The following LCLAT1 variants were observed in gnomAD, a reference collection of about 807,000 sequenced individuals.
LCLAT1 encodes the protein lysocardiolipin acyltransferase 1, also known as 1-AGP acyltransferase 8.
Under a neutral mutation model 30.7 loss-of-function variants are expected in LCLAT1, and 11 were observed. That is an observed-to-expected ratio of 0.36 (90% confidence interval 0.23 to 0.59). The LOEUF (loss-of-function observed/expected upper bound fraction) is 0.59. Ranked by LOEUF, LCLAT1 falls within the 20% of genes least tolerant of loss-of-function variation. LCLAT1 has a pLI of 0.77. For synonymous variants in LCLAT1, 155 were observed against 151.3 expected, an observed-to-expected ratio of 1.02 and a Z score of -0.18; for missense variants, 402 against 458.6, an observed-to-expected ratio of 0.88 and a Z score of 1.13.
Position 30,640,234 on chromosome 2 carries a change from G to A in LCLAT1, c.746G>A (p.Arg249Gln), listed in dbSNP as rs1308573088. ...FPREIHFHVH[R>Q]YPIDTLPTSK... is the part of the protein sequence containing the mutation. ...AGGGAAATCCACTTTCACGTCCACC[G>A]GTATCCAATAGACACCCTCCCCACA... is the stretch of plus-strand genomic sequence containing the variant. The change falls in exon 6 of 6, where the codon CGG becomes CAG. Residue 249 changes from arginine to glutamine, a missense_variant. Transcript: ENST00000379509. The A allele has an allele frequency of 3.1e-6, 5 of 1,614,048 alleles. No homozygotes were observed. Among genetic ancestry groups the A allele is most frequent in the African/African-American group, 1.3e-5 (1 of 75,020 alleles).
intron 1 of LCLAT1, among the ~76,000 whole-genome samples, chr2:30,485,624 AATG>A (rs1558468755): frequency 1.3e-5 from 2 of 152,172 alleles, no homozygotes; most frequent in African/African-American, 2.4e-5. Flanking sequence ...CTCATAGTTG[AATG>A]ATGACATTTG....
At chr2:30,594,740 A>G (rs912816060) in intron 5 of LCLAT1, among the ~76,000 whole-genome samples, 1 of 152,190 alleles carries the variant, frequency 6.6e-6, no homozygotes, top group African/African-American at 2.4e-5. Flanking sequence ...CAGGAGTTCC[A>G]GGTTAATTTA....
intron 3 of LCLAT1, among the ~76,000 whole-genome samples, chr2:30,534,300 G>A (rs1426132727): frequency 2.1e-5 from 3 of 142,528 alleles, no homozygotes; most frequent in African/African-American, 5.1e-5. Flanking sequence ...TCTCTCTGTC[G>A]CTCAGGCTGG....
intron 5 of LCLAT1, among the ~76,000 whole-genome samples, chr2:30,630,844 A>G (rs1442012468): frequency 6.6e-6 from 1 of 152,210 alleles, no homozygotes; most frequent in East Asian, 1.9e-4. Context: ...GATACTGGAG[A>G]AATGCTTCCT....
chr2:30,558,857 T>C (rs1665063073), intron 3 of LCLAT1, among the ~76,000 whole-genome samples: 1 of 152,198 alleles, frequency 6.6e-6, no homozygotes, highest in Non-Finnish European at 1.5e-5. Flanking sequence ...CTGCTGGTTA[T>C]CTACTTAGCA....
In LCLAT1 at chr2:30,533,171, T is replaced by C; in HGVS notation, c.221T>C (p.Val74Ala). The C allele has an allele frequency of 6.2e-7, 1 of 1,614,132 alleles. No individual in the cohort carries two copies. Among genetic ancestry groups the C allele is most frequent in the Non-Finnish European group, 8.5e-7 (1 of 1,179,956 alleles). The change falls in exon 3 of 6, where the codon GTT (valine) becomes GCT (alanine). Residue 74 changes from valine to alanine, a missense_variant. Coordinates refer to ENST00000379509, the MANE Select transcript of LCLAT1 (RefSeq NM_001002257.3). ...VKVIITGDAF[V>A]PGERSVIIMN... ...GTGATTATAACTGGGGATGCATTTG[T>C]TCCTGGAGAAAGAAGTGTCATTATC...
intron 5 of LCLAT1, among the ~76,000 whole-genome samples, chr2:30,592,497 A>G (rs1408172940): frequency 6.6e-6 from 1 of 152,144 alleles, no homozygotes; most frequent in Admixed American, 6.6e-5. Context: ...AAAAAAAGAG[A>G]TATATTAATG....
chr2:30,602,722 G>A (rs1195625043), intron 5 of LCLAT1, among the ~76,000 whole-genome samples: 1 of 134,954 alleles, frequency 7.4e-6, no homozygotes, highest in Admixed American at 8.1e-5. Flanking sequence ...GTGAAATAAA[G>A]GAGTGTTTCT....
At chr2:30,605,006 T>C (rs537286942) in intron 5 of LCLAT1, among the ~76,000 whole-genome samples, 10 of 152,368 alleles carry the variant, frequency 6.6e-5, no homozygotes, top group Admixed American at 5.9e-4. Flanking sequence ...TGCTCCCTTT[T>C]AATGGTTACA....
intron 1 of LCLAT1, among the ~76,000 whole-genome samples, chr2:30,513,601 C>T (rs1558487833): frequency 6.6e-6 from 1 of 152,124 alleles, no homozygotes; most frequent in Non-Finnish European, 1.5e-5. Context: ...ATTCTTTTCT[C>T]TGTGAAAAGA....
chr2:30,471,752 A>G (rs1454904026), intron 1 of LCLAT1, among the ~76,000 whole-genome samples: 1 of 151,936 alleles, frequency 6.6e-6, no homozygotes, highest in Non-Finnish European at 1.5e-5. Context: ...ACTTTGCTGA[A>G]TTTATTAGCT....
chr2:30,594,575 G>A (rs892301961), intron 5 of LCLAT1, among the ~76,000 whole-genome samples: 11 of 152,206 alleles, frequency 7.2e-5, no homozygotes, highest in Non-Finnish European at 5.9e-5. Context: ...GTATGTGCAT[G>A]TGTATGTGTG....
chr2:30,457,731 C>T (rs1681903935), intron 1 of LCLAT1, among the ~76,000 whole-genome samples: 1 of 152,128 alleles, frequency 6.6e-6, no homozygotes, highest in African/African-American at 2.4e-5. Context: ...CACAGTGCCA[C>T]CTTTTTGTTT....
At chr2:30,464,583 G>C (rs1049611310) in intron 1 of LCLAT1, among the ~76,000 whole-genome samples, 1 of 152,202 alleles carries the variant, frequency 6.6e-6, no homozygotes, top group Non-Finnish European at 1.5e-5. Flanking sequence ...TTGCATGTCA[G>C]ATACGTGCAG....
chr2:30,534,847 A>G (rs1388596775), intron 3 of LCLAT1, among the ~76,000 whole-genome samples: 1 of 152,186 alleles, frequency 6.6e-6, no homozygotes, highest in African/African-American at 2.4e-5. Flanking sequence ...AGATGTGTCT[A>G]AGATCTCAGT....
intron 5 of LCLAT1, among the ~76,000 whole-genome samples, chr2:30,632,890 C>T (rs2148530287): frequency 6.6e-6 from 1 of 152,260 alleles, no homozygotes; most frequent in African/African-American, 2.4e-5. Flanking sequence ...TAATAATGTT[C>T]CTAGTAGGAA....
chr2:30,552,237 C>G (rs1356765489), intron 3 of LCLAT1, among the ~76,000 whole-genome samples: 2 of 152,146 alleles, frequency 1.3e-5, no homozygotes, highest in Non-Finnish European at 2.9e-5. Context: ...TTTGGTCTCT[C>G]TCATGTTAAC....
chr2:30,519,789 A>G (rs1685384838), intron 1 of LCLAT1, among the ~76,000 whole-genome samples: 2 of 152,120 alleles, frequency 1.3e-5, no homozygotes, highest in Admixed American at 6.5e-5. Flanking sequence ...CTCCCGTTGT[A>G]TGGGAGCTTT....
At position 30,634,996 on chromosome 2, in the gene LCLAT1, C is replaced by A. The variant is rs1382172496; in HGVS notation, c.629-5121C>A. Among the ~76,000 whole-genome samples, 3 of 152,314 alleles carry A rather than the reference C, an allele frequency of 2.0e-5. No individual in the cohort carries two copies. In the East Asian group the frequency reaches 5.8e-4, roughly 29 times the overall value. The stretch of plus-strand genomic sequence containing the variant: ...AAGGTCTTGATAGGATATGAGAAAT[C>A]AGTTCTTCTACCTGCACAGAATTTG... On this transcript the variant is annotated intron_variant, in intron 5 of 5. Coordinates refer to ENST00000379509, the MANE Select transcript of LCLAT1 (RefSeq NM_001002257.3).
Sources: gnomAD v4.1 joint callset for allele counts (sites outside exome capture counted in the v4.1 genomes callset) on GRCh38, gnomAD v4.1.1 for gene constraint, MANE v1.5 for transcripts, NCBI Gene and HGNC (gene_info 2026-07-23, HGNC 2026-07-21) for gene names.